The following HEMK1 variants were observed in gnomAD, a reference collection of about 807,000 sequenced individuals.
HEMK1 encodes MTRF1L release factor glutamine methyltransferase.
In HEMK1, 36 loss-of-function variants were observed where a neutral mutation model predicts 47.9. The observed-to-expected ratio is 0.75, with a 90% CI of 0.58 to 0.99. HEMK1 has a LOEUF of 0.99. Among genes scored for constraint, HEMK1 ranks in the 50% least tolerant of loss-of-function variants. The pLI is 0.00. For synonymous variants in HEMK1, 153 were observed against 165.4 expected, an observed-to-expected ratio of 0.93 and a Z score of 0.57; for missense variants, 383 against 434.5, an observed-to-expected ratio of 0.88 and a Z score of 1.05.
At position 50,590,524 on chromosome 3, in the gene HEMK1, C is replaced by T. The variant is rs1327000288; in HGVS notation, c.*10107C>T. ...TGAGCTGAGATCACCTCACTACCCT[C>T]TAGCGTGGGCGACAGCAAGACTGTT... On this transcript the variant is annotated 3_prime_UTR_variant, in exon 11 of 11. Coordinates refer to ENST00000232854, the MANE Select transcript of HEMK1 (RefSeq NM_016173.5). 1 of 144,512 alleles carries T rather than the reference C, an allele frequency of 6.9e-6. No homozygotes were observed. The highest frequency in any genetic ancestry group is 1.5e-5 in the Non-Finnish European group (1 of 66,252). 9.0% of individuals were successfully genotyped at this position (144,512 alleles called of 1,614,324 possible).
chr3:50,578,925 A>C lies in HEMK1; in HGVS notation c.769A>C (p.Ser257Arg), dbSNP rs980919086. ...GGAGCAGCTGGCCCCTGAGATCCGC[A>C]GGTGCTAAGCAGGGTGGGCCAGGGA... is the stretch of plus-strand genomic sequence containing the variant. ...DMEQLAPEIR[S>R]YEDPAALDGG... The change falls in exon 8 of 11, where the codon AGC becomes CGC. Residue 257 changes from serine (S) to arginine (R), a missense_variant and splice_region_variant. By Grantham distance (110) the Ser-to-Arg change is moderately radical. Coordinates refer to ENST00000232854, the MANE Select transcript of HEMK1 (RefSeq NM_016173.5). 3 of 1,608,976 alleles carry C rather than the reference A, an allele frequency of 1.9e-6. No individual in the cohort carries two copies. Among genetic ancestry groups the C allele is most frequent in the Non-Finnish European group, 2.5e-6 (3 of 1,177,390 alleles).
rs149017134 is a variant in HEMK1, at chr3:50,580,764, C to T, written c.*347C>T. On this transcript the variant is annotated 3_prime_UTR_variant, in exon 11 of 11. Coordinates refer to ENST00000232854, the MANE Select transcript of HEMK1 (RefSeq NM_016173.5). ...CTGGGGCAAGGGTTTCCTTCTGCCC[C>T]AGCAGGGCTGGCCGTCAGTCCCCTG... is the stretch of plus-strand genomic sequence containing the variant. The T allele has an allele frequency of 1.1e-4, 40 of 361,676 alleles. No individual in the cohort carries two copies. The highest frequency in any genetic ancestry group is 1.9e-4 in the Non-Finnish European group (38 of 195,150). The allele number at this position is 361,676 out of a possible 1,614,324, so 22.4% of individuals were successfully genotyped here.
rs1298497270 is a variant in HEMK1 at position 50,588,066 on chromosome 3, A to G, written c.*7649A>G. The G allele has an allele frequency of 1.3e-5, 2 of 152,212 alleles. No individual in the cohort carries two copies. The highest frequency in any genetic ancestry group is 4.8e-5 in the African/African-American group (2 of 41,402). 9.4% of individuals were successfully genotyped at this position (152,212 alleles called of 1,614,324 possible). Reference sequence around the variant, plus strand: ...GCTTGACAGTGTAGGATGCCTTCAGAATATCCGAGAAGCAGCATTGGGGCG... The same window carrying G: ...GCTTGACAGTGTAGGATGCCTTCAGGATATCCGAGAAGCAGCATTGGGGCG... On this transcript the variant is annotated 3_prime_UTR_variant, in exon 11 of 11. Coordinates refer to ENST00000232854, the MANE Select transcript of HEMK1 (RefSeq NM_016173.5).
rs528960538 is a variant in HEMK1 at position 50,573,100 on chromosome 3, C to T, written c.414+892C>T. The stretch of plus-strand genomic sequence containing the variant: ...CCCTAGCCAAGAAACTCTCTGACCC[C>T]TCTCCTCTCCATATCATGTGGTTGG... On this transcript the variant is annotated intron_variant, in intron 4 of 10. Coordinates refer to ENST00000232854, the MANE Select transcript of HEMK1 (RefSeq NM_016173.5). 5.3e-5 allele frequency among the ~76,000 whole-genome samples: 8 copies of T among 152,380 alleles called. No individual in the cohort carries two copies. The East Asian group carries it at 1.5e-3, about 29-fold the overall frequency.
In HEMK1 at chr3:50,580,321, C is replaced by T. The variant is rs368015732; in HGVS notation, c.981-60C>T. On this transcript the variant is annotated intron_variant, in intron 10 of 10. Transcript: ENST00000232854. ...GGCTGTCAGGAGAGTGTGCTGTTCCCACTTCCTGTTCATTCCCTGAGGCCC... is the reference window on the plus strand; with the variant it reads ...GGCTGTCAGGAGAGTGTGCTGTTCCTACTTCCTGTTCATTCCCTGAGGCCC... 34 of 1,609,858 alleles carry T rather than the reference C, an allele frequency of 2.1e-5. No homozygotes were observed. In the African/African-American group the frequency reaches 3.9e-4, roughly 18 times the overall value.
rs2031414443 is a variant in HEMK1 at position 50,586,908 on chromosome 3, C to T, written c.*6491C>T. The T allele has an allele frequency of 6.6e-6, 1 of 152,138 alleles. No individual in the cohort carries two copies. Among genetic ancestry groups the T allele is most frequent in the African/African-American group, 2.4e-5 (1 of 41,410 alleles). 9.4% of individuals were successfully genotyped at this position (152,138 alleles called of 1,614,324 possible). A position where few individuals can be genotyped will look rare whatever the true frequency, so the allele number is the denominator to read the frequency against. On this transcript the variant is annotated 3_prime_UTR_variant, in exon 11 of 11. Coordinates refer to ENST00000232854, the MANE Select transcript of HEMK1 (RefSeq NM_016173.5). ...GAGCTACGTGACCAAGCAAAGCAAACTAGGACTACAGGTGTGAACAACCCT... is the reference window on the plus strand; with the variant it reads ...GAGCTACGTGACCAAGCAAAGCAAATTAGGACTACAGGTGTGAACAACCCT...
intron 4 of HEMK1, among the ~76,000 whole-genome samples, chr3:50,575,332 C>T (rs1442013467): frequency 1.3e-5 from 2 of 151,778 alleles, no homozygotes; most frequent in Non-Finnish European, 2.9e-5. Flanking sequence ...CTGAGACAGG[C>T]GAATCGCTTG....
chr3:50,578,351 GC>G (rs2030134794), intron 7 of HEMK1, among the ~76,000 whole-genome samples: 1 of 152,116 alleles, frequency 6.6e-6, no homozygotes, highest in African/African-American at 2.4e-5. Context: ...GAGCCTCAGT[GC>G]CCCCTCCATG....
Position 50,583,319 on chromosome 3 carries a change from C to T in HEMK1, c.*2902C>T, listed in dbSNP as rs1019747067. ...AATGCAAAAAATACTCTTTTTTGCTCCTTTACCCCCACCTGGACCCTGGGC... is the reference window on the plus strand; with the variant it reads ...AATGCAAAAAATACTCTTTTTTGCTTCTTTACCCCCACCTGGACCCTGGGC... On this transcript the variant is annotated 3_prime_UTR_variant, in exon 11 of 11. Transcript: ENST00000232854. 1 of 152,108 alleles carries T rather than the reference C, an allele frequency of 6.6e-6. No individual in the cohort carries two copies. Among genetic ancestry groups the T allele is most frequent in the Admixed American group, 6.5e-5 (1 of 15,270 alleles). The allele number at this position is 152,108 out of a possible 1,614,324, so 9.4% of individuals were successfully genotyped here. A position where few individuals can be genotyped will look rare whatever the true frequency, so the allele number is the denominator to read the frequency against.
At position 50,577,758 on chromosome 3, in the gene HEMK1, G is replaced by T. The variant is rs531371151; in HGVS notation, c.615-68G>T. 2.0e-5 allele frequency: 30 copies of T among 1,524,142 alleles called. 1 individual carries two copies. In the South Asian group the frequency reaches 3.0e-4, roughly 15 times the overall value. 94.4% of individuals were successfully genotyped at this position (1,524,142 alleles called of 1,614,324 possible). A position where few individuals can be genotyped will look rare whatever the true frequency, so the allele number is the denominator to read the frequency against. On this transcript the variant is annotated intron_variant, in intron 6 of 10. Coordinates refer to ENST00000232854, the MANE Select transcript of HEMK1 (RefSeq NM_016173.5). ...CCAGTCCAAGAAGGGTTGACTATAA[G>T]ACCTCATTCTTGTAGTGAAGGGTAG...
rs1320163230 is a variant in HEMK1 at position 50,585,570 on chromosome 3, C to T, written c.*5153C>T. 3 of 152,222 alleles carry T rather than the reference C, an allele frequency of 2.0e-5. No individual in the cohort carries two copies. Among genetic ancestry groups the T allele is most frequent in the Admixed American group, 2.0e-4 (3 of 15,282 alleles). 9.4% of individuals were successfully genotyped at this position (152,222 alleles called of 1,614,324 possible). On this transcript the variant is annotated 3_prime_UTR_variant, in exon 11 of 11. Coordinates refer to ENST00000232854, the MANE Select transcript of HEMK1 (RefSeq NM_016173.5). ...TCCCACCCAGCCAAGGCTTGGGGCT[C>T]CTGAAGCCAGTCCTAACCCAGGAGC...
rs547426614 is a variant in HEMK1 at position 50,594,899 on chromosome 3, G to A, written c.*14482G>A. 2.6e-5 allele frequency: 3 copies of A among 116,362 alleles called. No homozygotes were observed. In the East Asian group the frequency reaches 7.0e-4, roughly 27 times the overall value. The allele number at this position is 116,362 out of a possible 1,614,324, so 7.2% of individuals were successfully genotyped here. A position where few individuals can be genotyped will look rare whatever the true frequency, so the allele number is the denominator to read the frequency against. On this transcript the variant is annotated 3_prime_UTR_variant, in exon 11 of 11. Transcript: ENST00000232854. The stretch of plus-strand genomic sequence containing the variant: ...AAGTGTGAAGGCTGAGATTTTATCC[G>A]ACTTTCTTTTTTTTTTTTTGAGACA...
At chr3:50,569,445 CCTTTT>C (rs747198480), upstream of HEMK1, 13 of 151,722 alleles carry the variant, frequency 8.6e-5, no homozygotes, top group Non-Finnish European at 1.8e-4. Context: ...TCCGCCCGAG[CCTTTT>C]CTTAAAGGCG....
At chr3:50,577,267 G>T in intron 5 of HEMK1, 81 bp downstream of exon 5, 2 of 1,483,412 alleles carry the variant, frequency 1.3e-6, no homozygotes, top group Non-Finnish European at 9.2e-7. Context: ...ACATCCCTCT[G>T]CTAGGAGCGC....
At position 50,577,200 on chromosome 3, in the gene HEMK1, C is replaced by T. The variant is rs776977310; in HGVS notation, c.549+14C>T. ...CAGCTCCCCCAGGTGAGCCCCTCCA[C>T]CCACTCTGGATAGACTGTGACTGAC... On this transcript the variant is annotated intron_variant, in intron 5 of 10. Transcript: ENST00000232854. The T allele has an allele frequency of 8.1e-6, 13 of 1,606,502 alleles. No homozygotes were observed. In the African/African-American group the frequency reaches 1.2e-4, roughly 15 times the overall value.
chr3:50,572,752 C>T (rs1701149342), intron 4 of HEMK1, among the ~76,000 whole-genome samples: 1 of 152,240 alleles, frequency 6.6e-6, no homozygotes, highest in Non-Finnish European at 1.5e-5. Flanking sequence ...CCTGTGTTGT[C>T]CCTCAAATTA....
At chr3:50,578,355 C>T (rs1478977841) in intron 7 of HEMK1, among the ~76,000 whole-genome samples, 1 of 152,188 alleles carries the variant, frequency 6.6e-6, no homozygotes, top group African/African-American at 2.4e-5. Context: ...CTCAGTGCCC[C>T]CTCCATGGAA....
In HEMK1 at chr3:50,571,150, G is replaced by T; in HGVS notation, c.46G>T (p.Gly16Trp). 3.1e-6 allele frequency: 5 copies of T among 1,612,876 alleles called. No individual in the cohort carries two copies. Among genetic ancestry groups the T allele is most frequent in the Non-Finnish European group, 4.2e-6 (5 of 1,179,474 alleles). Residue 16 changes from glycine (G) to tryptophan (W), a missense_variant, in exon 2 of 11, where the codon GGG becomes TGG. Coordinates refer to ENST00000232854, the MANE Select transcript of HEMK1 (RefSeq NM_016173.5). ...RMLWALLSGP[G>W]RRGSTRGWAF... ...GCTGTGGGCCCTCCTGTCTGGCCCA[G>T]GGAGGAGGGGAAGTACCCGGGGCTG...
chr3:50,576,351 G>A (rs1407702070), intron 4 of HEMK1, among the ~76,000 whole-genome samples: 1 of 152,228 alleles, frequency 6.6e-6, no homozygotes, highest in Non-Finnish European at 1.5e-5. Context: ...GAAAAACTCT[G>A]GGAGCAGGGT....
Sources: allele counts gnomAD v4.1 joint callset (sites outside exome capture counted in the v4.1 genomes callset), GRCh38; gene constraint gnomAD v4.1.1; transcripts MANE v1.5; gene names NCBI Gene and HGNC (gene_info 2026-07-23, HGNC 2026-07-21).